The following CRTC1 variants were observed in gnomAD, a reference collection of about 807,000 sequenced individuals.
CRTC1 encodes the protein CREB-regulated transcription coactivator 1.
Under a neutral mutation model 66.1 loss-of-function variants are expected in CRTC1, and 18 were observed. The observed-to-expected ratio is 0.27, with a 90% CI of 0.19 to 0.40. CRTC1 has a LOEUF of 0.40. Among genes scored for constraint, CRTC1 ranks in the 10% least tolerant of loss-of-function variants. CRTC1 has a pLI of 1.00. For missense variants in CRTC1, 669 were observed against 887.9 expected, an observed-to-expected ratio of 0.75 and a Z score of 3.13; for synonymous variants, 416 against 398.8, an observed-to-expected ratio of 1.04 and a Z score of -0.51.
intron 1 of CRTC1, among the ~76,000 whole-genome samples, chr19:18,742,625 C>T (rs1013266973): frequency 2.0e-5 from 3 of 152,196 alleles, no homozygotes; most frequent in Non-Finnish European, 1.5e-5. Flanking sequence ...ACTGACTGAC[C>T]GAATCAGCAG....
intron 1 of CRTC1, among the ~76,000 whole-genome samples, chr19:18,698,613 G>T (rs972729220): frequency 2.7e-5 from 4 of 150,584 alleles, no homozygotes; most frequent in Non-Finnish European, 5.9e-5. Context: ...CTCAGCAGGC[G>T]CAGTGTGTGC....
intron 8 of CRTC1, among the ~76,000 whole-genome samples, chr19:18,761,088 C>G (rs1211487396): frequency 2.0e-5 from 3 of 152,126 alleles, no homozygotes; most frequent in Non-Finnish European, 4.4e-5. Context: ...ACCTCAGGGC[C>G]TCTGCACATG....
At chr19:18,763,716 C>T (rs560163693) in intron 8 of CRTC1, among the ~76,000 whole-genome samples, 12 of 152,338 alleles carry the variant, frequency 7.9e-5, no homozygotes, top group African/African-American at 2.9e-4. Flanking sequence ...AGACGGGCCA[C>T]AGTGCTCTGG....
chr19:18,734,426 A>G (rs963289893), intron 1 of CRTC1, among the ~76,000 whole-genome samples: 2 of 151,698 alleles, frequency 1.3e-5, no homozygotes, highest in African/African-American at 4.8e-5. Context: ...TGGGCCGGGC[A>G]CAGTGGCTTA....
intron 8 of CRTC1, among the ~76,000 whole-genome samples, chr19:18,761,144 C>T (rs2054605640): frequency 6.6e-6 from 1 of 152,248 alleles, no homozygotes; most frequent in African/African-American, 2.4e-5. Context: ...CCCTCCCCTG[C>T]CCTGCCCTGC....
chr19:18,730,213 C>A (rs904784662), intron 1 of CRTC1, among the ~76,000 whole-genome samples: 1 of 152,224 alleles, frequency 6.6e-6, no homozygotes, highest in South Asian at 2.1e-4. Context: ...GCAGCCCTTA[C>A]GAGGTAAGGG....
intron 8 of CRTC1, 57 bp from the exon 9 acceptor site, chr19:18,765,347 C>A: frequency 6.4e-7 from 1 of 1,565,122 alleles, no homozygotes; most frequent in Non-Finnish European, 8.7e-7. Context: ...GTGTAAGCAG[C>A]CCTTTCTCAG....
chr19:18,742,776 T>C, intron 1 of CRTC1, 134 bp from the exon 2 acceptor site: 1 of 682,024 alleles, frequency 1.5e-6, no homozygotes, highest in Non-Finnish European at 2.6e-6. Context: ...AGCATCTGGG[T>C]CATGAGGTCC....
intron 1 of CRTC1, among the ~76,000 whole-genome samples, chr19:18,722,549 C>A (rs1352678628): frequency 6.6e-6 from 1 of 152,216 alleles, no homozygotes; most frequent in Non-Finnish European, 1.5e-5. Flanking sequence ...ATGAAGGAGG[C>A]AGAGACCAGA....
intron 1 of CRTC1, among the ~76,000 whole-genome samples, chr19:18,727,083 C>CA (rs2053771116): frequency 6.6e-6 from 1 of 151,764 alleles, no homozygotes; most frequent in African/African-American, 2.4e-5. Flanking sequence ...CCCATCTCAG[C>CA]AAAAAATTAG....
At chr19:18,744,721 G>C (rs762917307) in intron 2 of CRTC1, among the ~76,000 whole-genome samples, 1 of 152,054 alleles carries the variant, frequency 6.6e-6, no homozygotes, top group African/African-American at 2.4e-5. Flanking sequence ...CACCCTCATC[G>C]TCACAGGCCC....
intron 1 of CRTC1, among the ~76,000 whole-genome samples, chr19:18,715,844 C>G (rs1290974213): frequency 6.6e-6 from 1 of 152,226 alleles, no homozygotes; most frequent in Non-Finnish European, 1.5e-5. Flanking sequence ...ACCCACCCTG[C>G]TCAGGGCTGC....
chr19:18,722,901 G>A (rs1279762821), intron 1 of CRTC1, among the ~76,000 whole-genome samples: 1 of 151,706 alleles, frequency 6.6e-6, no homozygotes. Context: ...ACTCAGCATC[G>A]TGTTTTCGAG....
chr19:18,718,191 G>C (rs907476542), intron 1 of CRTC1, among the ~76,000 whole-genome samples: 7 of 152,008 alleles, frequency 4.6e-5, no homozygotes, highest in Admixed American at 4.6e-4. Flanking sequence ...TTACTAATCT[G>C]CTTCCTGTCT....
intron 9 of CRTC1, among the ~76,000 whole-genome samples, chr19:18,766,667 G>A (rs866579129): frequency 3.3e-5 from 5 of 152,146 alleles, no homozygotes; most frequent in Middle Eastern, 6.8e-3. Flanking sequence ...GGCTGGTCTC[G>A]AACTCCTGGC....
intron 4 of CRTC1, 60 bp downstream of exon 4, chr19:18,747,174 A>C: frequency 5.6e-5 from 62 of 1,113,766 alleles, no homozygotes; most frequent in Non-Finnish European, 7.0e-5. Flanking sequence ...CCAAACTCTC[A>C]TCATGGTTAC....
chr19:18,704,808 A>G (rs2053224939), intron 1 of CRTC1, among the ~76,000 whole-genome samples: 1 of 152,106 alleles, frequency 6.6e-6, no homozygotes, highest in Admixed American at 6.6e-5. Flanking sequence ...GTATCCTCAC[A>G]TTGTTTTGCA....
chr19:18,718,979 G>A (rs909391114), intron 1 of CRTC1, among the ~76,000 whole-genome samples: 3 of 152,136 alleles, frequency 2.0e-5, no homozygotes, highest in South Asian at 2.1e-4. Context: ...AAGGAGTCTC[G>A]GCAGCCACTT....
intron 1 of CRTC1, among the ~76,000 whole-genome samples, chr19:18,688,349 AGCAGGGAGGAGG>A (rs2052739193): frequency 6.6e-6 from 1 of 152,116 alleles, no homozygotes; most frequent in African/African-American, 2.4e-5. Context: ...ATGGGTGGAA[AGCAGGGAGGAGG>A]GCAGGTGAGG....
Sources: gnomAD v4.1 joint callset for allele counts (sites outside exome capture counted in the v4.1 genomes callset) on GRCh38, gnomAD v4.1.1 for gene constraint, MANE v1.5 for transcripts, NCBI Gene and HGNC (gene_info 2026-07-23, HGNC 2026-07-21) for gene names.